PPFIBP2: variants seen among roughly 807,000 people sequenced by gnomAD.
PPFIBP2 encodes PPFIB scaffold protein 2.
PPFIBP2 carries 118 observed loss-of-function variants against 118.3 expected under a neutral mutation model. That is an observed-to-expected ratio of 1.00 (90% CI 0.86 to 1.16). The LOEUF is 1.16. Among genes scored for constraint, PPFIBP2 ranks in the 50% most tolerant of loss-of-function variants. The pLI is 0.00. For missense variants in PPFIBP2, 1,195 were observed against 1,073.1 expected (o/e 1.11, Z -1.59); for synonymous variants, 414 against 397.4 (o/e 1.04, Z -0.50).
At chr11:7,542,309 T>C (rs542328588) in intron 1 of PPFIBP2, among the ~76,000 whole-genome samples, 22 of 152,368 alleles carry the variant, frequency 1.4e-4, no homozygotes, top group African/African-American at 5.3e-4. Context: ...GCCCAATATA[T>C]GGTAACTAAA....
At chr11:7,592,469 AT>A (rs1859511344) in intron 3 of PPFIBP2, among the ~76,000 whole-genome samples, 1 of 145,426 alleles carries the variant, frequency 6.9e-6, no homozygotes. Flanking sequence ...TCTTCTCAAG[AT>A]GTTTTGTCTT....
intron 5 of PPFIBP2, among the ~76,000 whole-genome samples, chr11:7,609,364 AC>A (rs1256188808): frequency 2.6e-5 from 4 of 151,962 alleles, no homozygotes; most frequent in Middle Eastern, 3.2e-3. Context: ...CCTTGCCACA[AC>A]CTTTGTAGCC....
rs1185167965 is a variant in PPFIBP2 at position 7,560,558 on chromosome 11, A to AT, written c.65-4990dup. ...TTTAAACATTCACCAATTTGGGGGG[A>AT]TTTTTCCCCTACTTTTTGAAAATTA... On this transcript the variant is annotated intron_variant, in intron 2 of 23. Transcript: ENST00000299492. Among the ~76,000 whole-genome samples, 9 of 152,138 alleles carry AT rather than the reference A, an allele frequency of 5.9e-5. No individual in the cohort carries two copies. In the East Asian group the frequency reaches 1.5e-3, roughly 26 times the overall value.
chr11:7,519,762 G>A (rs867831567), intron 1 of PPFIBP2, among the ~76,000 whole-genome samples: 2 of 152,150 alleles, frequency 1.3e-5, no homozygotes, highest in African/African-American at 4.8e-5. Context: ...GGATCAAATG[G>A]CTTAGAGGTG....
At chr11:7,515,320 T>C (rs1178976677) in intron 1 of PPFIBP2, among the ~76,000 whole-genome samples, 1 of 152,234 alleles carries the variant, frequency 6.6e-6, no homozygotes, top group Non-Finnish European at 1.5e-5. Flanking sequence ...TTTGGTGATG[T>C]GACAGTTGTT....
At chr11:7,558,488 G>A (rs1486978279) in intron 2 of PPFIBP2, among the ~76,000 whole-genome samples, 2 of 152,196 alleles carry the variant, frequency 1.3e-5, no homozygotes, top group Non-Finnish European at 2.9e-5. Flanking sequence ...TGGCTGCGGT[G>A]GCTCACGCCT....
intron 17 of PPFIBP2, among the ~76,000 whole-genome samples, chr11:7,644,770 G>C (rs1277212259): frequency 6.6e-6 from 1 of 152,020 alleles, no homozygotes; most frequent in Non-Finnish European, 1.5e-5. Context: ...GCTCACGCCT[G>C]TAATCCCAGC....
intron 2 of PPFIBP2, among the ~76,000 whole-genome samples, chr11:7,561,262 T>C (rs7109906): frequency 0.52 from 79,102 of 152,052 alleles, 22,363 homozygotes; most frequent in African/African-American, 0.75. Flanking sequence ...GAAGGGGTTT[T>C]GCCATGTTGG....
chr11:7,630,968 G>A lies in PPFIBP2; in HGVS notation c.1008G>A (p.Glu336=), dbSNP rs1410770507. 11 of 1,614,028 alleles carry A rather than the reference G, an allele frequency of 6.8e-6. No individual in the cohort carries two copies. The highest frequency in any genetic ancestry group is 7.6e-6 in the Non-Finnish European group (9 of 1,180,010). Residue 336 remains glutamate (E), a synonymous_variant, in exon 11 of 24, where the codon GAG becomes GAA. Transcript: ENST00000299492. The part of the protein sequence containing the change: ...RTLSINEEEP[E]GGFSKWNATN... ...TCTCAATCAATGAAGAAGAACCGGA[G>A]GGAGGTTTCAGCAAGTGGAACGCTA...
intron 1 of PPFIBP2, among the ~76,000 whole-genome samples, chr11:7,516,858 A>G (rs764314466): frequency 7.2e-5 from 11 of 152,106 alleles, no homozygotes; most frequent in Non-Finnish European, 1.6e-4. Context: ...CTGAGAAGGG[A>G]GGAGTTACTC....
In PPFIBP2 at chr11:7,549,497, G is replaced by C. The variant is rs372242121; in HGVS notation, c.22G>C (p.Ala8Pro). 1.3e-6 allele frequency: 2 copies of C among 1,563,032 alleles called. No individual in the cohort carries two copies. Among genetic ancestry groups the C allele is most frequent in the African/African-American group, 2.7e-5 (2 of 73,400 alleles). Reference protein sequence around the residue: MASDASHALEAALEQMDG... With the variant: MASDASHPLEAALEQMDG... ...AGTCATGGCTTCTGATGCTAGTCAT[G>C]CGCTGGAAGCTGCCCTGGAGCAAAT... Residue 8 changes from alanine to proline, a missense_variant, in exon 2 of 24, where the codon GCG becomes CCG. Transcript: ENST00000299492.
chr11:7,634,467 CT>C, intron 12 of PPFIBP2, 27 bp from the exon 13 acceptor site: 1 of 1,563,292 alleles, frequency 6.4e-7, no homozygotes, highest in Non-Finnish European at 8.8e-7. Context: ...CTTCTCATAA[CT>C]ATTTCTTTCT....
At chr11:7,656,840 C>T, downstream of PPFIBP2, 1 of 1,276,732 alleles carries the variant, frequency 7.8e-7, no homozygotes, top group Non-Finnish European at 1.0e-6. Context: ...TGTGTGGGGG[C>T]CCCGGAGCCT....
chr11:7,597,757 C>T lies in PPFIBP2; in HGVS notation c.486+84C>T, dbSNP rs544419988. On this transcript the variant is annotated intron_variant, in intron 5 of 23. Transcript: ENST00000299492. ...CTTTGTGTGCCCAGGCTACAGCCCT[C>T]GCTGTCTGCTTTCCCATCCTGCCTG... 2,191 of 1,123,316 alleles carry T rather than the reference C, an allele frequency of 2.0e-3. 2 individuals carry two copies. The highest frequency in any genetic ancestry group is 3.3e-3 in the Admixed American group (168 of 51,244). The allele number at this position is 1,123,316 out of a possible 1,614,324, so 69.6% of individuals were successfully genotyped here.
intron 5 of PPFIBP2, 129 bp from the exon 6 acceptor site, chr11:7,610,162 C>A (rs1249147969): frequency 3.3e-6 from 4 of 1,207,804 alleles, no homozygotes; most frequent in African/African-American, 3.0e-5. Flanking sequence ...CTGTGACTCT[C>A]ATGTAGCAGT....
In PPFIBP2 at chr11:7,520,351, C is replaced by T. The variant is rs375097840; in HGVS notation, c.-37+6230C>T. Among the ~76,000 whole-genome samples the T allele has an allele frequency of 7.2e-3, 1,091 of 152,232 alleles. 13 individuals are homozygous for T. Among genetic ancestry groups the T allele is most frequent in the African/African-American group, 0.025 (1,041 of 41,534 alleles). Reference sequence around the variant, plus strand: ...TGGGTATTTTCCGGCTGGCTCTTTTCCTGCTTTTGCTGTTTTGCCGACGCA... The same window carrying T: ...TGGGTATTTTCCGGCTGGCTCTTTTTCTGCTTTTGCTGTTTTGCCGACGCA... On this transcript the variant is annotated intron_variant, in intron 1 of 23. Transcript: ENST00000299492.
At chr11:7,597,703 G>C in intron 5 of PPFIBP2, 30 bp downstream of exon 5, 1 of 1,565,434 alleles carries the variant, frequency 6.4e-7, no homozygotes, top group Non-Finnish European at 8.8e-7. Context: ...AGGCCCTTGG[G>C]TGCCGAAGCA....
chr11:7,522,041 A>G (rs1849803626), intron 1 of PPFIBP2, among the ~76,000 whole-genome samples: 2 of 152,224 alleles, frequency 1.3e-5, no homozygotes. Context: ...AAGTATGGAA[A>G]AGACGTGGTA....
downstream of PPFIBP2, chr11:7,653,906 G>C (rs1281768568): frequency 1.3e-5 from 10 of 769,346 alleles, no homozygotes; most frequent in East Asian, 7.2e-5. Flanking sequence ...CAGGGGGGTA[G>C]AGCAAGGCGG....
Sources: allele counts gnomAD v4.1 joint callset (sites outside exome capture counted in the v4.1 genomes callset), GRCh38; gene constraint gnomAD v4.1.1; transcripts MANE v1.5; gene names NCBI Gene and HGNC (gene_info 2026-07-23, HGNC 2026-07-21).